The following PARP8 variants were observed in gnomAD, a reference collection of about 807,000 sequenced individuals.
PARP8 encodes the protein protein mono-ADP-ribosyltransferase PARP8.
Under a neutral mutation model 124.1 loss-of-function variants are expected in PARP8, and 51 were observed. The ratio of observed to expected loss-of-function variants is 0.41; its 90% CI spans 0.33 to 0.52. PARP8 has a LOEUF of 0.52. PARP8 is among the 20% of genes least tolerant of loss of function. The pLI, the probability that PARP8 is intolerant of heterozygous loss-of-function variation, is 0.21. For missense variants in PARP8, 860 were observed against 1,018.9 expected (o/e 0.84, Z 2.12); for synonymous variants, 391 against 361.5 (o/e 1.08, Z -0.93).
intron 14 of PARP8, among the ~76,000 whole-genome samples, chr5:50,798,344 C>A (rs1742789178): frequency 6.6e-6 from 1 of 151,992 alleles, no homozygotes; most frequent in African/African-American, 2.4e-5. Flanking sequence ...TACATCTTCC[C>A]CACGTATTAT....
At chr5:50,692,811 C>A (rs1752640274) in intron 2 of PARP8, among the ~76,000 whole-genome samples, 1 of 152,180 alleles carries the variant, frequency 6.6e-6, no homozygotes, top group Non-Finnish European at 1.5e-5. Context: ...ACCTCCTTGG[C>A]ACCTTGTGTG....
intron 2 of PARP8, among the ~76,000 whole-genome samples, chr5:50,726,664 T>C (rs539465628): frequency 6.6e-6 from 1 of 152,154 alleles, no homozygotes; most frequent in Admixed American, 6.5e-5. Context: ...TGCCCACTGG[T>C]CTCATGTAGA....
At chr5:50,821,165 C>G (rs1286798267) in intron 15 of PARP8, 48 bp from the exon 16 acceptor site, 2 of 1,607,064 alleles carry the variant, frequency 1.2e-6, no homozygotes, top group Admixed American at 3.3e-5. Flanking sequence ...TGGCAAAGCA[C>G]TGGATAAAAC....
intron 7 of PARP8, among the ~76,000 whole-genome samples, chr5:50,770,183 CTTA>C (rs1321383027): frequency 6.6e-6 from 1 of 151,928 alleles, no homozygotes; most frequent in African/African-American, 2.4e-5. Context: ...TAACTATTTC[CTTA>C]TTATTCTATA....
At chr5:50,802,523 A>G (rs1561402998) in intron 14 of PARP8, among the ~76,000 whole-genome samples, 1 of 152,126 alleles carries the variant, frequency 6.6e-6, no homozygotes, top group Admixed American at 6.5e-5. Context: ...GGGTTTCACT[A>G]TGTTGAGCAG....
At position 50,778,947 on chromosome 5, in the gene PARP8, T is replaced by A. The variant is rs10065715; in HGVS notation, c.670+297T>A. On this transcript the variant is annotated intron_variant, in intron 9 of 25. Coordinates refer to ENST00000281631, the MANE Select transcript of PARP8 (RefSeq NM_024615.4). ...GTAGAAACTCAGTAAATATATATAT[T>A]TTGGGTTTTCCTTAGATATAATTAT... Among the ~76,000 whole-genome samples, 390 of 152,240 alleles carry A rather than the reference T, an allele frequency of 2.6e-3. 1 individual carries two copies. Among genetic ancestry groups the A allele is most frequent in the African/African-American group, 7.8e-3 (322 of 41,538 alleles).
At chr5:50,667,934 G>A in intron 1 of PARP8, 137 bp from the exon 2 acceptor site, 1 of 1,549,892 alleles carries the variant, frequency 6.5e-7, no homozygotes, top group Non-Finnish European at 8.7e-7. Flanking sequence ...GGCGCAGAGG[G>A]ACCTCGCCGC....
chr5:50,767,474 G>A (rs907048400), intron 7 of PARP8, among the ~76,000 whole-genome samples: 2 of 152,186 alleles, frequency 1.3e-5, no homozygotes, highest in Non-Finnish European at 2.9e-5. Context: ...TAATCTAGAT[G>A]TAAGCTTCAG....
chr5:50,844,898 ACACTTTTGG>A lies in PARP8; in HGVS notation c.*2831_*2839del, dbSNP rs1748502995. ...GTGCTATAAAATGCATTATAGTAAGACACTTTTGGTGTCTTCGAGTGCACTATGTTGGAA... is the reference window on the plus strand; with the variant it reads ...GTGCTATAAAATGCATTATAGTAAGATGTCTTCGAGTGCACTATGTTGGAA... On this transcript the variant is annotated 3_prime_UTR_variant, in exon 26 of 26. Coordinates refer to ENST00000281631, the MANE Select transcript of PARP8 (RefSeq NM_024615.4). 6.6e-6 allele frequency: 1 copy of A among 151,644 alleles called. No individual in the cohort carries two copies. The highest frequency in any genetic ancestry group is 1.5e-5 in the Non-Finnish European group (1 of 67,726). 9.4% of individuals were successfully genotyped at this position (151,644 alleles called of 1,614,324 possible). A position where few individuals can be genotyped will look rare whatever the true frequency, so the allele number is the denominator to read the frequency against.
At chr5:50,792,390 A>G (rs1365301058) in intron 10 of PARP8, among the ~76,000 whole-genome samples, 4 of 152,146 alleles carry the variant, frequency 2.6e-5, no homozygotes, top group Non-Finnish European at 5.9e-5. Context: ...TGGGTATTCA[A>G]GTTTAAGAAT....
intron 12 of PARP8, among the ~76,000 whole-genome samples, chr5:50,795,846 A>G (rs997178220): frequency 1.1e-4 from 16 of 152,242 alleles, no homozygotes; most frequent in African/African-American, 3.6e-4. Context: ...TTTCAATTAT[A>G]TATAAGAGCA....
At chr5:50,723,505 T>C (rs1756120079) in intron 2 of PARP8, among the ~76,000 whole-genome samples, 1 of 152,134 alleles carries the variant, frequency 6.6e-6, no homozygotes, top group African/African-American at 2.4e-5. Flanking sequence ...ATTTTTTTTG[T>C]GTGTGGTTGA....
chr5:50,804,519 C>T (rs1438627372), intron 14 of PARP8, among the ~76,000 whole-genome samples: 1 of 152,052 alleles, frequency 6.6e-6, no homozygotes, highest in Non-Finnish European at 1.5e-5. Flanking sequence ...TGAAATCTGT[C>T]GCTTATATTA....
intron 14 of PARP8, among the ~76,000 whole-genome samples, chr5:50,807,388 G>A (rs1361434937): frequency 6.6e-6 from 1 of 151,982 alleles, no homozygotes; most frequent in Non-Finnish European, 1.5e-5. Flanking sequence ...GAATTGTTCA[G>A]GAAGTCCTGG....
chr5:50,781,087 C>T (rs2149615926), intron 9 of PARP8, among the ~76,000 whole-genome samples: 1 of 152,156 alleles, frequency 6.6e-6, no homozygotes, highest in Non-Finnish European at 1.5e-5. Context: ...ACTCTTTTGT[C>T]CTCCATGTTT....
At chr5:50,794,113 TATTTGATAA>T in intron 10 of PARP8, 85 bp from the exon 11 acceptor site, 1 of 1,357,338 alleles carries the variant, frequency 7.4e-7, no homozygotes, top group Non-Finnish European at 9.9e-7. Flanking sequence ...TGTTTGCATT[TATTTGATAA>T]ATGCATTTTC....
At chr5:50,743,745 C>CATAA (rs148163788) in intron 2 of PARP8, among the ~76,000 whole-genome samples, 6,495 of 151,266 alleles carry the variant, frequency 0.043, 438 homozygotes, top group African/African-American at 0.15. Context: ...GTCTCCAAAA[C>CATAA]ATAAATAAAT....
Position 50,758,260 on chromosome 5 carries a change from A to G in PARP8, c.185-1383A>G, listed in dbSNP as rs75258086. Among the ~76,000 whole-genome samples the G allele has an allele frequency of 5.5e-3, 840 of 152,296 alleles. 7 individuals carry two copies. The highest frequency in any genetic ancestry group is 0.019 in the African/African-American group (786 of 41,566). ...AAAACCTCACATGCTCCATGAAAAT[A>G]TTGGAAAACTAAATAAAGCAAAATT... On this transcript the variant is annotated intron_variant, in intron 3 of 25. Transcript: ENST00000281631.
At position 50,667,320 on chromosome 5, in the gene PARP8, A is replaced by C. The variant is rs1178808943; in HGVS notation, c.91+134A>C. ...GGGTTCATTTGGCAACAGCTGCTGC[A>C]ACGAGCGCGGGAGCCAAAAGGGGGA... is the stretch of plus-strand genomic sequence containing the variant. On this transcript the variant is annotated intron_variant, in intron 1 of 25. Coordinates refer to ENST00000281631, the MANE Select transcript of PARP8 (RefSeq NM_024615.4). The C allele has an allele frequency of 1.6e-5, 15 of 952,180 alleles. No homozygotes were observed. In the East Asian group the frequency reaches 3.9e-4, roughly 25 times the overall value. The allele number at this position is 952,180 out of a possible 1,614,324, so 59.0% of individuals were successfully genotyped here. A position where few individuals can be genotyped will look rare whatever the true frequency, so the allele number is the denominator to read the frequency against.
Sources: allele counts gnomAD v4.1 joint callset (sites outside exome capture counted in the v4.1 genomes callset), GRCh38; gene constraint gnomAD v4.1.1; transcripts MANE v1.5; gene names NCBI Gene and HGNC (gene_info 2026-07-23, HGNC 2026-07-21).